Variants in CDC40 observed in about 807,000 individuals in gnomAD.
CDC40 encodes the protein cell division cycle 40.
CDC40 carries 27 observed loss-of-function variants against 80.6 expected under a neutral mutation model. The observed-to-expected ratio is 0.33, with a 90% CI of 0.25 to 0.46. The LOEUF (loss-of-function observed/expected upper bound fraction) is 0.46, where lower values mean the gene tolerates loss of function less well. Ranked by LOEUF, CDC40 falls within the 20% of genes least tolerant of loss-of-function variation. The pLI, the probability that CDC40 is intolerant of heterozygous loss-of-function variation, is 1.00. For missense variants in CDC40, 486 were observed against 694.1 expected, an observed-to-expected ratio of 0.70 and a Z score of 3.37; for synonymous variants, 221 against 232.6, an observed-to-expected ratio of 0.95 and a Z score of 0.45.
intron 11 of CDC40, 121 bp downstream of exon 11, chr6:110,219,600 A>G: frequency 1.7e-6 from 2 of 1,180,052 alleles, no homozygotes; most frequent in Non-Finnish European, 1.2e-6. Context: ...CGGCTAATGC[A>G]CCATTCTTAG....
intron 9 of CDC40, among the ~76,000 whole-genome samples, chr6:110,216,332 T>C (rs1584078811): frequency 6.6e-6 from 1 of 152,200 alleles, no homozygotes; most frequent in Non-Finnish European, 1.5e-5. Context: ...GTAGTGGCTC[T>C]GTTTTTAGAT....
intron 1 of CDC40, among the ~76,000 whole-genome samples, chr6:110,187,697 C>A (rs773355246): frequency 1.4e-4 from 21 of 152,056 alleles, no homozygotes; most frequent in Non-Finnish European, 2.9e-5. Flanking sequence ...TGTCTCTTTT[C>A]TTATTTGGGC....
intron 1 of CDC40, among the ~76,000 whole-genome samples, chr6:110,186,347 G>A (rs1220775639): frequency 2.0e-5 from 3 of 152,138 alleles, no homozygotes; most frequent in Admixed American, 6.5e-5. Context: ...AAATTAGCTG[G>A]GTGTGTTGGT....
At chr6:110,206,462 A>C (rs1371028568) in intron 3 of CDC40, among the ~76,000 whole-genome samples, 1 of 152,214 alleles carries the variant, frequency 6.6e-6, no homozygotes, top group African/African-American at 2.4e-5. Context: ...CTGTGCTAGC[A>C]CACCCATTTG....
intron 2 of CDC40, among the ~76,000 whole-genome samples, chr6:110,199,393 G>C (rs1008077906): frequency 1.3e-5 from 2 of 151,830 alleles, no homozygotes; most frequent in Non-Finnish European, 2.9e-5. Context: ...AGGAGATCGA[G>C]ACCATCCTGG....
At chr6:110,209,937 A>G (rs1320594473) in intron 5 of CDC40, among the ~76,000 whole-genome samples, 1 of 152,222 alleles carries the variant, frequency 6.6e-6, no homozygotes, top group East Asian at 1.9e-4. Flanking sequence ...GAGATTTACT[A>G]CTACCCCATC....
At position 110,185,598 on chromosome 6, in the gene CDC40, A is replaced by G. The variant is rs141761934; in HGVS notation, c.189+4965A>G. Among the ~76,000 whole-genome samples the G allele has an allele frequency of 7.0e-3, 1,059 of 152,204 alleles. 17 individuals are homozygous for G. The highest frequency in any genetic ancestry group is 0.025 in the African/African-American group (1,017 of 41,460). ...GCAGACCGTGGCCTGGATTTGGCCC[A>G]CACACTGTAGTTAGCCACCCCTGAA... On this transcript the variant is annotated intron_variant, in intron 1 of 14. Transcript: ENST00000307731.
At chr6:110,209,529 C>T (rs535569193) in intron 5 of CDC40, among the ~76,000 whole-genome samples, 2 of 152,200 alleles carry the variant, frequency 1.3e-5, no homozygotes, top group South Asian at 4.1e-4. Flanking sequence ...TGATACTAGA[C>T]ATTCAGATAG....
chr6:110,205,453 T>A (rs145009509), intron 3 of CDC40, among the ~76,000 whole-genome samples: 54 of 152,368 alleles, frequency 3.5e-4, no homozygotes, highest in Middle Eastern at 3.4e-3. Context: ...AATATTTAAC[T>A]CTTATTTGTA....
intron 2 of CDC40, among the ~76,000 whole-genome samples, chr6:110,198,315 A>G (rs1341703658): frequency 6.6e-6 from 1 of 151,680 alleles, no homozygotes; most frequent in Non-Finnish European, 1.5e-5. Context: ...GTAGGTGTCT[A>G]CAGGCACACA....
Position 110,190,022 on chromosome 6 carries a change from A to G in CDC40, c.190-3160A>G, listed in dbSNP as rs371978470. On this transcript the variant is annotated intron_variant, in intron 1 of 14. Transcript: ENST00000307731. ...TACAGATTTGGCTTTTCTGTCTTCA[A>G]TTTAATTTAACAAATATTTATTGAA... is the stretch of plus-strand genomic sequence containing the variant. Among the ~76,000 whole-genome samples, 30 of 152,308 alleles carry G rather than the reference A, an allele frequency of 2.0e-4. No homozygotes were observed. The East Asian group carries it at 3.9e-3, about 20-fold the overall frequency.
chr6:110,186,264 G>A (rs533297302), intron 1 of CDC40, among the ~76,000 whole-genome samples: 6 of 152,140 alleles, frequency 3.9e-5, no homozygotes, highest in Admixed American at 6.5e-5. Context: ...TTGGCTGGGC[G>A]AGGTGGGCAG....
Position 110,210,788 on chromosome 6 carries a change from A to G in CDC40, c.712A>G (p.Lys238Glu), listed in dbSNP as rs1247040027. 1 of 1,559,240 alleles carries G rather than the reference A, an allele frequency of 6.4e-7. No individual in the cohort carries two copies. The highest frequency in any genetic ancestry group is 1.2e-5 in the South Asian group (1 of 83,276). The part of the protein sequence containing the change: ...KQEEEKPGEE[K>E]TILHVKEMYD... ...GGAAGAAGAGAAACCTGGGGAGGAG[A>G]AGACAATCTTACATGGTAACATATT... The change falls in exon 6 of 15, where the codon AAG becomes GAG. Residue 238 changes from lysine to glutamate, a missense_variant. Lys to Glu is a moderately conservative substitution (Grantham distance 56, BLOSUM62 1). Coordinates refer to ENST00000307731, the MANE Select transcript of CDC40 (RefSeq NM_015891.3).
At chr6:110,184,959 T>G (rs143532131) in intron 1 of CDC40, among the ~76,000 whole-genome samples, 2 of 152,336 alleles carry the variant, frequency 1.3e-5, no homozygotes, top group Non-Finnish European at 2.9e-5. Flanking sequence ...AACATATCAG[T>G]AATGATACAG....
chr6:110,191,475 T>A (rs1452461989), intron 1 of CDC40, among the ~76,000 whole-genome samples: 1 of 152,174 alleles, frequency 6.6e-6, no homozygotes, highest in Non-Finnish European at 1.5e-5. Context: ...CCTTGTGTAG[T>A]TTACATTTTA....
At chr6:110,193,626 C>T (rs931271034) in intron 2 of CDC40, among the ~76,000 whole-genome samples, 2 of 152,100 alleles carry the variant, frequency 1.3e-5, no homozygotes, top group African/African-American at 4.8e-5. Flanking sequence ...AGGATGGTCT[C>T]AATCTCCTGA....
chr6:110,195,130 T>C (rs1562200730), intron 2 of CDC40, among the ~76,000 whole-genome samples: 1 of 152,254 alleles, frequency 6.6e-6, no homozygotes, highest in Non-Finnish European at 1.5e-5. Context: ...TATCAAATTT[T>C]GAACTTTTGT....
At chr6:110,182,560 C>T (rs1339532227) in intron 1 of CDC40, among the ~76,000 whole-genome samples, 1 of 152,242 alleles carries the variant, frequency 6.6e-6, no homozygotes, top group Non-Finnish European at 1.5e-5. Flanking sequence ...GCTAGTCATT[C>T]AATTGATTCT....
chr6:110,229,748 C>G (rs1295680240), intron 14 of CDC40, among the ~76,000 whole-genome samples: 1 of 152,002 alleles, frequency 6.6e-6, no homozygotes, highest in Non-Finnish European at 1.5e-5. Context: ...AAATAATTTT[C>G]TACTCTTAGA....
Sources: allele counts gnomAD v4.1 joint callset (sites outside exome capture counted in the v4.1 genomes callset), GRCh38; gene constraint gnomAD v4.1.1; transcripts MANE v1.5; gene names NCBI Gene and HGNC (gene_info 2026-07-23, HGNC 2026-07-21).